PARM1: variants seen among roughly 807,000 people sequenced by gnomAD.
PARM1 encodes the protein prostate androgen-regulated mucin-like protein 1.
In PARM1, 14 loss-of-function variants were observed where a neutral mutation model predicts 24.6. That is an observed-to-expected ratio of 0.57 (90% CI 0.38 to 0.89). The LOEUF (loss-of-function observed/expected upper bound fraction) is 0.89. PARM1 is among the 40% of genes least tolerant of loss of function. PARM1 has a pLI of 0.00. For missense variants in PARM1, 362 were observed against 380.4 expected, an observed-to-expected ratio of 0.95 and a Z score of 0.40; for synonymous variants, 179 against 156.6, an observed-to-expected ratio of 1.14 and a Z score of -1.07.
chr4:74,947,371 G>A (rs893567802), intron 1 of PARM1, among the ~76,000 whole-genome samples: 2 of 152,084 alleles, frequency 1.3e-5, no homozygotes, highest in African/African-American at 4.8e-5. Flanking sequence ...GAAAAAAAAA[G>A]AGATTGAGAG....
At chr4:75,039,052 G>A (rs1175416593) in intron 3 of PARM1, among the ~76,000 whole-genome samples, 1 of 152,182 alleles carries the variant, frequency 6.6e-6, no homozygotes, top group African/African-American at 2.4e-5. Context: ...TGTACAATTG[G>A]ATTCCTTCTG....
rs180791764 is a variant in PARM1 at position 74,938,290 on chromosome 4, A to G, written c.43+4920A>G. Among the ~76,000 whole-genome samples, 487 of 152,358 alleles carry G rather than the reference A, an allele frequency of 3.2e-3. 4 individuals carry two copies. Among genetic ancestry groups the G allele is most frequent in the African/African-American group, 0.011 (472 of 41,592 alleles). The stretch of plus-strand genomic sequence containing the variant: ...TAACACCCCACCGGAAGCAATGGAC[A>G]GCAACATTTTTTAAGTGTTTTCAAA... On this transcript the variant is annotated intron_variant, in intron 1 of 3. Transcript: ENST00000307428.
intron 1 of PARM1, among the ~76,000 whole-genome samples, chr4:75,003,250 A>T (rs1722713800): frequency 6.6e-6 from 1 of 151,732 alleles, no homozygotes; most frequent in South Asian, 2.1e-4. Flanking sequence ...TTCTGGTGTG[A>T]CCACTATAGT....
intron 1 of PARM1, among the ~76,000 whole-genome samples, chr4:74,978,249 C>T (rs182841574): frequency 3.9e-5 from 6 of 152,144 alleles, no homozygotes; most frequent in Admixed American, 3.9e-4. Flanking sequence ...CCCACATAGG[C>T]TCAAAATAAA....
intron 1 of PARM1, among the ~76,000 whole-genome samples, chr4:75,003,484 G>A (rs937127598): frequency 1.3e-5 from 2 of 152,158 alleles, no homozygotes; most frequent in Non-Finnish European, 2.9e-5. Context: ...CAGGTCTGCA[G>A]GTTGTGATTC....
intron 1 of PARM1, among the ~76,000 whole-genome samples, chr4:74,975,193 A>G (rs74373632): frequency 0.027 from 4,178 of 152,332 alleles, 83 homozygotes; most frequent in South Asian, 0.077. Context: ...TGTTAGATGT[A>G]TTACACATTC....
At chr4:75,003,109 G>C (rs1386378187) in intron 1 of PARM1, among the ~76,000 whole-genome samples, 1 of 152,088 alleles carries the variant, frequency 6.6e-6, no homozygotes, top group Non-Finnish European at 1.5e-5. Flanking sequence ...CAACCACAAA[G>C]TGATGGAAGA....
At chr4:74,998,071 T>A (rs1722609243) in intron 1 of PARM1, among the ~76,000 whole-genome samples, 1 of 152,142 alleles carries the variant, frequency 6.6e-6, no homozygotes, top group Non-Finnish European at 1.5e-5. Flanking sequence ...TTTTAATAGT[T>A]CCCACAGATT....
intron 3 of PARM1, among the ~76,000 whole-genome samples, chr4:75,045,201 G>C (rs554059733): frequency 2.0e-5 from 3 of 152,332 alleles, no homozygotes; most frequent in African/African-American, 2.4e-5. Context: ...TGAGGCAAAG[G>C]TGTGTCAGGC....
At chr4:74,992,757 A>G (rs773530698) in intron 1 of PARM1, among the ~76,000 whole-genome samples, 1 of 152,162 alleles carries the variant, frequency 6.6e-6, no homozygotes, top group South Asian at 2.1e-4. Flanking sequence ...GCAAGAATAT[A>G]TTTTTAAAAA....
chr4:74,948,097 T>G (rs1332484752), intron 1 of PARM1, among the ~76,000 whole-genome samples: 1 of 152,194 alleles, frequency 6.6e-6, no homozygotes, highest in Non-Finnish European at 1.5e-5. Context: ...AAAAGTCTCT[T>G]CATTTTGCAG....
chr4:75,040,847 G>T (rs1260569453), intron 3 of PARM1, among the ~76,000 whole-genome samples: 2 of 152,030 alleles, frequency 1.3e-5, no homozygotes, highest in Non-Finnish European at 2.9e-5. Flanking sequence ...CTCTGTACTT[G>T]CTGCTCCCTC....
intron 2 of PARM1, among the ~76,000 whole-genome samples, chr4:75,024,268 A>AAT (rs1723141584): frequency 6.6e-6 from 1 of 151,870 alleles, no homozygotes; most frequent in Admixed American, 6.6e-5. Context: ...AAAAAAAAAA[A>AAT]AATAGCAAGT....
rs775926286 is a variant in PARM1 at position 75,012,407 on chromosome 4, G to A, written c.44-18G>A. On this transcript the variant is annotated intron_variant, in intron 1 of 3. Transcript: ENST00000307428. ...GTGTTTTCACATATTAACCACTTTT[G>A]TACTGGCTTTTCCACAGGATGGAGG... 8.7e-6 allele frequency: 14 copies of A among 1,608,220 alleles called. No individual in the cohort carries two copies. The South Asian group carries it at 1.1e-4, about 13-fold the overall frequency.
intron 1 of PARM1, among the ~76,000 whole-genome samples, chr4:74,960,490 C>T (rs180879566): frequency 6.6e-6 from 1 of 152,156 alleles, no homozygotes; most frequent in African/African-American, 2.4e-5. Context: ...CCAGCACTGA[C>T]ACAGCCTACA....
Position 74,933,230 on chromosome 4 carries a change from C to T in PARM1, c.-98C>T. On this transcript the variant is annotated 5_prime_UTR_variant, in exon 1 of 4. Transcript: ENST00000307428. ...GCGCCTCCCGGCTCCCACCGCAGCC[C>T]ACCCGGCAGAGGAGTCGCTACCAGC... 9.3e-7 allele frequency: 1 copy of T among 1,071,124 alleles called. No homozygotes were observed. Among genetic ancestry groups the T allele is most frequent in the Non-Finnish European group, 1.4e-6 (1 of 710,026 alleles). The allele number at this position is 1,071,124 out of a possible 1,614,324, so 66.4% of individuals were successfully genotyped here.
At chr4:74,991,985 G>T (rs914127572) in intron 1 of PARM1, among the ~76,000 whole-genome samples, 1 of 152,164 alleles carries the variant, frequency 6.6e-6, no homozygotes, top group Non-Finnish European at 1.5e-5. Context: ...TGCTAGAGCT[G>T]CCCACAGAAT....
intron 2 of PARM1, among the ~76,000 whole-genome samples, chr4:75,014,221 G>T (rs1722934732): frequency 6.6e-6 from 1 of 152,176 alleles, no homozygotes; most frequent in African/African-American, 2.4e-5. Flanking sequence ...GTGGAGGTAG[G>T]AAGAGATAGA....
At chr4:74,969,189 CACTT>C (rs1167843611) in intron 1 of PARM1, among the ~76,000 whole-genome samples, 1 of 152,154 alleles carries the variant, frequency 6.6e-6, no homozygotes, top group Non-Finnish European at 1.5e-5. Context: ...TACTCTTTCT[CACTT>C]ACAGAAGTAC....
Sources: gnomAD v4.1 joint callset for allele counts (sites outside exome capture counted in the v4.1 genomes callset) on GRCh38, gnomAD v4.1.1 for gene constraint, MANE v1.5 for transcripts, NCBI Gene and HGNC (gene_info 2026-07-23, HGNC 2026-07-21) for gene names.